The following GPHN variants were observed in gnomAD, a reference collection of about 807,000 sequenced individuals.
The protein encoded by GPHN is gephyrin.
Under a neutral mutation model 95.5 loss-of-function variants are expected in GPHN, and 17 were observed. The observed-to-expected ratio is 0.18, with a 90% CI of 0.12 to 0.27. The LOEUF (loss-of-function observed/expected upper bound fraction) is 0.27. GPHN is among the 10% of genes least tolerant of loss of function. The pLI is 1.00. For synonymous variants in GPHN, 320 were observed against 322.5 expected, an observed-to-expected ratio of 0.99 and a Z score of 0.08; for missense variants, 660 against 978.1, an observed-to-expected ratio of 0.67 and a Z score of 4.34.
At chr14:67,432,915 C>T in the GPHN span, among the ~76,000 whole-genome samples, 92 of 152,222 alleles carry the variant, frequency 6.0e-4, 1 homozygote, top group Middle Eastern at 0.014. Flanking sequence ...TGATTTAGGG[C>T]CCACCCTCAT....
chr14:67,120,511 G>A lies in GPHN; in HGVS notation c.1627-1745G>A, dbSNP rs182025654. ...GTTCTCCAGTGATCTCTAATTTTCC[G>A]TTATTTCTGGAACTGTTTGCAGCAA... On this transcript the variant is annotated intron_variant, in intron 16 of 22. Coordinates refer to ENST00000478722, the MANE Select transcript of GPHN (RefSeq NM_020806.5). 1.1e-4 allele frequency among the ~76,000 whole-genome samples: 16 copies of A among 151,912 alleles called. 1 individual carries two copies. Among genetic ancestry groups the A allele is most frequent in the African/African-American group, 2.4e-4 (10 of 41,430 alleles).
At chr14:66,632,489 C>CTTT (rs60856342) in intron 1 of GPHN, among the ~76,000 whole-genome samples, 48 of 122,008 alleles carry the variant, frequency 3.9e-4, no homozygotes, top group East Asian at 6.6e-4. Flanking sequence ...ACAATACATT[C>CTTT]TTTTTTTTTT....
At chr14:66,626,030 C>T (rs2063513477) in intron 1 of GPHN, among the ~76,000 whole-genome samples, 1 of 152,126 alleles carries the variant, frequency 6.6e-6, no homozygotes, top group Non-Finnish European at 1.5e-5. Flanking sequence ...TTTTAACTTC[C>T]TACCTGAATG....
At chr14:66,631,975 T>G (rs2063831624) in intron 1 of GPHN, among the ~76,000 whole-genome samples, 1 of 152,222 alleles carries the variant, frequency 6.6e-6, no homozygotes, top group Non-Finnish European at 1.5e-5. Flanking sequence ...TCTGCTACCT[T>G]GTTCCCAATC....
chr14:66,693,202 T>G (rs1188518940), intron 2 of GPHN, among the ~76,000 whole-genome samples: 2 of 152,186 alleles, frequency 1.3e-5, no homozygotes, highest in Non-Finnish European at 2.9e-5. Context: ...TAACTGTTTC[T>G]ACGTTTAATC....
intron 1 of GPHN, among the ~76,000 whole-genome samples, chr14:66,592,345 C>T (rs35261582): frequency 6.6e-6 from 1 of 151,838 alleles, no homozygotes; most frequent in Non-Finnish European, 1.5e-5. Context: ...GCAAAAGAAA[C>T]TATCATCACA....
At chr14:67,466,628 C>T in the GPHN span, among the ~76,000 whole-genome samples, 1 of 152,204 alleles carries the variant, frequency 6.6e-6, no homozygotes, top group African/African-American at 2.4e-5. Context: ...CTACGTGCTT[C>T]CTTTGTTCGG....
intron 8 of GPHN, among the ~76,000 whole-genome samples, chr14:66,945,270 A>G (rs1264385480): frequency 6.6e-6 from 1 of 152,192 alleles, no homozygotes; most frequent in South Asian, 2.1e-4. Flanking sequence ...GCAGGCCACC[A>G]CACATGCGAG....
intron 2 of GPHN, among the ~76,000 whole-genome samples, chr14:66,750,486 A>G (rs1218307811): frequency 6.6e-6 from 1 of 151,958 alleles, no homozygotes; most frequent in Non-Finnish European, 1.5e-5. Flanking sequence ...AGGCTCCAAA[A>G]AGATGTAGAG....
chr14:67,491,559 T>C, the GPHN span, among the ~76,000 whole-genome samples: 1 of 152,176 alleles, frequency 6.6e-6, no homozygotes, highest in Non-Finnish European at 1.5e-5. Context: ...TCAAGGGTTT[T>C]AGGAGCTCTA....
chr14:66,772,694 T>C (rs1427635602), intron 2 of GPHN, among the ~76,000 whole-genome samples: 1 of 152,252 alleles, frequency 6.6e-6, no homozygotes, highest in Admixed American at 6.5e-5. Context: ...CATATTCTTC[T>C]TTAAAATAAT....
chr14:66,567,528 C>T (rs946263419), intron 1 of GPHN, among the ~76,000 whole-genome samples: 9 of 152,028 alleles, frequency 5.9e-5, no homozygotes, highest in Admixed American at 2.6e-4. Flanking sequence ...CTCAGTAAAT[C>T]CTTTGAGTGA....
chr14:66,645,061 G>A (rs1231862041), intron 1 of GPHN, among the ~76,000 whole-genome samples: 1 of 152,062 alleles, frequency 6.6e-6, no homozygotes, highest in Admixed American at 6.5e-5. Context: ...GTGTTAGGTT[G>A]TTCTGTAGCT....
chr14:67,123,102 T>C (rs950314703), intron 17 of GPHN, among the ~76,000 whole-genome samples: 19 of 152,190 alleles, frequency 1.2e-4, no homozygotes, highest in Admixed American at 6.5e-5. Flanking sequence ...CTGCTTTTAG[T>C]AATACTCAAA....
chr14:66,936,861 C>A (rs996045692), intron 8 of GPHN, among the ~76,000 whole-genome samples: 1 of 152,186 alleles, frequency 6.6e-6, no homozygotes, highest in Non-Finnish European at 1.5e-5. Context: ...AACTTATTTG[C>A]ATTTCTATGG....
At chr14:66,772,124 A>G (rs1046910969) in intron 2 of GPHN, among the ~76,000 whole-genome samples, 3 of 152,168 alleles carry the variant, frequency 2.0e-5, no homozygotes, top group African/African-American at 7.2e-5. Flanking sequence ...AAAAAAAAAA[A>G]AAAGACAGAT....
At chr14:66,751,816 C>G (rs2058374900) in intron 2 of GPHN, among the ~76,000 whole-genome samples, 1 of 152,074 alleles carries the variant, frequency 6.6e-6, no homozygotes, top group Non-Finnish European at 1.5e-5. Flanking sequence ...GAGAGTCAAC[C>G]TGTCCTGTGA....
the GPHN span, among the ~76,000 whole-genome samples, chr14:67,486,595 G>A: frequency 3.7e-4 from 57 of 152,134 alleles, no homozygotes; most frequent in Admixed American, 3.9e-4. Context: ...TTATAAGGGA[G>A]AGTTTCCCTG....
chr14:66,825,548 T>C (rs2153493716), intron 4 of GPHN, among the ~76,000 whole-genome samples: 1 of 152,294 alleles, frequency 6.6e-6, no homozygotes, highest in East Asian at 1.9e-4. Context: ...TTAGTAAAGC[T>C]GCAATGGGTC....
Sources: allele counts gnomAD v4.1 joint callset (sites outside exome capture counted in the v4.1 genomes callset), GRCh38; gene constraint gnomAD v4.1.1; transcripts MANE v1.5; gene names NCBI Gene and HGNC (gene_info 2026-07-23, HGNC 2026-07-21).